The following MMP16 variants were observed in gnomAD, a reference collection of about 807,000 sequenced individuals.
The protein encoded by MMP16 is matrix metalloproteinase-16.
Under a neutral mutation model 67.8 loss-of-function variants are expected in MMP16, and 12 were observed. The ratio of observed to expected loss-of-function variants is 0.18; its 90% CI spans 0.11 to 0.29. The LOEUF (loss-of-function observed/expected upper bound fraction) is 0.29. Ranked by LOEUF, MMP16 falls within the 10% of genes least tolerant of loss-of-function variation. The probability of loss-of-function intolerance (pLI) is 1.00; values close to 1 mark genes in which losing one functional copy is unlikely to be tolerated. For synonymous variants in MMP16, 249 were observed against 255.9 expected (o/e 0.97, Z 0.26); for missense variants, 475 against 765.7 (o/e 0.62, Z 4.48).
In MMP16 at chr8:88,131,122, T is replaced by C. The variant is rs570500296; in HGVS notation, c.710-12261A>G. Among the ~76,000 whole-genome samples, 4 of 151,850 alleles carry C rather than the reference T, an allele frequency of 2.6e-5. No individual in the cohort carries two copies. In the East Asian group the frequency reaches 7.8e-4, roughly 30 times the overall value. Reference sequence around the variant, plus strand: ...ATACAAAAATCTTTTAAGGTAGACGTAATCACCCCAGATAGCGCTTTTAGA... The same window carrying C: ...ATACAAAAATCTTTTAAGGTAGACGCAATCACCCCAGATAGCGCTTTTAGA... On this transcript the variant is annotated intron_variant, in intron 4 of 9. Coordinates refer to ENST00000286614, the MANE Select transcript of MMP16 (RefSeq NM_005941.5).
rs371332118 is a variant in MMP16, at chr8:88,186,577, G to A, written c.303C>T (p.Cys101=). 1.6e-5 allele frequency: 24 copies of A among 1,473,730 alleles called. No homozygotes were observed. The highest frequency in any genetic ancestry group is 7.9e-5 in the African/African-American group (5 of 63,324). 91.3% of individuals were successfully genotyped at this position (1,473,730 alleles called of 1,614,324 possible). A position where few individuals can be genotyped will look rare whatever the true frequency, so the allele number is the denominator to read the frequency against. Residue 101 remains cysteine, a synonymous_variant, in exon 3 of 10, where the codon TGC becomes TGT. Coordinates refer to ENST00000286614, the MANE Select transcript of MMP16 (RefSeq NM_005941.5). ...TACCTCTTGTCTGGTCAGGTACACCGCATCGGGGCTTCTTCATCCAGCTGC... is the reference window on the plus strand; with the variant it reads ...TACCTCTTGTCTGGTCAGGTACACCACATCGGGGCTTCTTCATCCAGCTGC... ...NTIDWMKKPR[C]GVPDQTRGSS...
intron 3 of MMP16, among the ~76,000 whole-genome samples, chr8:88,182,921 G>A (rs1156673727): frequency 2.6e-5 from 4 of 151,896 alleles, no homozygotes; most frequent in Non-Finnish European, 4.4e-5. Flanking sequence ...GGAACCTTAC[G>A]AGCCTATTGC....
Position 88,061,248 on chromosome 8 carries a change from T to C in MMP16, c.1223-4970A>G, listed in dbSNP as rs143674138. ...AAATCCAGAAAGCTGTTTCACAGCA[T>C]GCTCTATATTTTAGTCAAATCCCTG... On this transcript the variant is annotated intron_variant, in intron 7 of 9. Coordinates refer to ENST00000286614, the MANE Select transcript of MMP16 (RefSeq NM_005941.5). Among the ~76,000 whole-genome samples, 114 of 151,936 alleles carry C rather than the reference T, an allele frequency of 7.5e-4. 1 individual carries two copies. In the East Asian group the frequency reaches 0.013, roughly 17 times the overall value.
chr8:88,214,772 C>T (rs186555406), intron 1 of MMP16, among the ~76,000 whole-genome samples: 3 of 152,260 alleles, frequency 2.0e-5, no homozygotes, highest in South Asian at 2.1e-4. Flanking sequence ...TGTCCTCTGA[C>T]AAGGATCTTA....
At chr8:88,170,053 A>G (rs1808775004) in intron 3 of MMP16, among the ~76,000 whole-genome samples, 1 of 152,182 alleles carries the variant, frequency 6.6e-6, no homozygotes. Flanking sequence ...CCAGGTTGGT[A>G]CCAGTAGAGA....
chr8:88,314,768 C>A (rs778713868), intron 1 of MMP16, among the ~76,000 whole-genome samples: 12 of 152,178 alleles, frequency 7.9e-5, no homozygotes, highest in Non-Finnish European at 1.5e-4. Flanking sequence ...CCAGTAGTTA[C>A]TTCACAGGAA....
rs767719787 is a variant in MMP16, at chr8:88,049,611, G to A, written c.1374-2827C>T. 2.0e-4 allele frequency among the ~76,000 whole-genome samples: 30 copies of A among 152,176 alleles called. 1 individual carries two copies. Among genetic ancestry groups the A allele is most frequent in the Middle Eastern group, 3.4e-3 (1 of 294 alleles). The stretch of plus-strand genomic sequence containing the variant: ...ATGCCCTTACAATAGATGCAGCGTC[G>A]GTTTACTTGACAGGGTTTCCTCTCA... On this transcript the variant is annotated intron_variant, in intron 8 of 9. Coordinates refer to ENST00000286614, the MANE Select transcript of MMP16 (RefSeq NM_005941.5).
intron 6 of MMP16, among the ~76,000 whole-genome samples, chr8:88,100,116 G>T (rs1471757414): frequency 1.3e-5 from 2 of 151,864 alleles, no homozygotes; most frequent in Non-Finnish European, 2.9e-5. Context: ...GTCAATTTTG[G>T]CTTTTGTTGC....
At chr8:88,233,426 C>T (rs1487176990) in intron 1 of MMP16, among the ~76,000 whole-genome samples, 2 of 152,110 alleles carry the variant, frequency 1.3e-5, no homozygotes, top group East Asian at 1.9e-4. Context: ...CTATCCTTCC[C>T]ACCATAATGT....
chr8:88,245,024 G>A (rs1013620521), intron 1 of MMP16, among the ~76,000 whole-genome samples: 5 of 152,016 alleles, frequency 3.3e-5, no homozygotes, highest in African/African-American at 1.2e-4. Flanking sequence ...TTAAGGCCCA[G>A]ACTGATGTAA....
intron 1 of MMP16, among the ~76,000 whole-genome samples, chr8:88,246,081 G>T (rs1397237522): frequency 6.6e-6 from 1 of 152,024 alleles, no homozygotes; most frequent in Non-Finnish European, 1.5e-5. Context: ...GGTAAAAGAA[G>T]AAAACACAGG....
chr8:88,138,160 C>T (rs1029618549), intron 4 of MMP16, among the ~76,000 whole-genome samples: 6 of 151,876 alleles, frequency 4.0e-5, no homozygotes, highest in Admixed American at 2.6e-4. Context: ...AGGCAGTGTG[C>T]ATACATATTG....
At chr8:88,130,841 G>T (rs1808016423) in intron 4 of MMP16, among the ~76,000 whole-genome samples, 2 of 151,458 alleles carry the variant, frequency 1.3e-5, no homozygotes, top group African/African-American at 4.8e-5. Flanking sequence ...AATTTTTACA[G>T]ATTCTAAGGA....
At chr8:88,043,338 C>A (rs1808156394) in intron 9 of MMP16, among the ~76,000 whole-genome samples, 1 of 152,072 alleles carries the variant, frequency 6.6e-6, no homozygotes, top group African/African-American at 2.4e-5. Context: ...GGGTGGAGTG[C>A]AATGGCCCGA....
chr8:88,056,000 AATTGCATTAACTC>A, intron 8 of MMP16, 115 bp downstream of exon 8: 1 of 578,066 alleles, frequency 1.7e-6, no homozygotes, highest in African/African-American at 1.9e-5. Flanking sequence ...AACAATTTTT[AATTGCATTAACTC>A]CTGTGTTAAA....
At chr8:88,175,192 T>C (rs1205102026) in intron 3 of MMP16, among the ~76,000 whole-genome samples, 1 of 152,186 alleles carries the variant, frequency 6.6e-6, no homozygotes, top group Non-Finnish European at 1.5e-5. Context: ...CTGCTTTGTA[T>C]ACCAAAGTAA....
At chr8:88,220,164 T>G (rs1809658095) in intron 1 of MMP16, among the ~76,000 whole-genome samples, 1 of 152,102 alleles carries the variant, frequency 6.6e-6, no homozygotes, top group East Asian at 1.9e-4. Flanking sequence ...ACAATATCAT[T>G]ATCACACCTA....
intron 1 of MMP16, among the ~76,000 whole-genome samples, chr8:88,206,099 T>C (rs1179461817): frequency 6.6e-6 from 1 of 152,130 alleles, no homozygotes; most frequent in Non-Finnish European, 1.5e-5. Context: ...ATCTCTCTCA[T>C]TGCCCAACTA....
At chr8:88,123,364 G>C (rs1807873251) in intron 4 of MMP16, among the ~76,000 whole-genome samples, 1 of 152,016 alleles carries the variant, frequency 6.6e-6, no homozygotes, top group South Asian at 2.1e-4. Context: ...GTCTGTGATT[G>C]AAAATTTCCA....
Sources: gnomAD v4.1 joint callset for allele counts (sites outside exome capture counted in the v4.1 genomes callset) on GRCh38, gnomAD v4.1.1 for gene constraint, MANE v1.5 for transcripts, NCBI Gene and HGNC (gene_info 2026-07-23, HGNC 2026-07-21) for gene names.